GRHL3: variants seen among roughly 807,000 people sequenced by gnomAD.
The protein encoded by GRHL3 is grainyhead like transcription factor 3.
A neutral mutation model predicts 70.3 loss-of-function variants in GRHL3; 20 were observed. That is an observed-to-expected ratio of 0.28 (90% CI 0.20 to 0.41). The LOEUF is 0.41. GRHL3 is among the 10% of genes least tolerant of loss of function. GRHL3 has a pLI of 1.00. For missense variants in GRHL3, 637 were observed against 762.3 expected (o/e 0.84, Z 1.94); for synonymous variants, 299 against 299.9 (o/e 1.00, Z 0.03).
rs1306307505 is a variant in GRHL3, at chr1:24,364,379, AC to A, written c.*10del. 3.3e-6 allele frequency: 5 copies of A among 1,531,532 alleles called. No individual in the cohort carries two copies. In the Admixed American group the frequency reaches 6.1e-5, roughly 19 times the overall value. The allele number at this position is 1,531,532 out of a possible 1,614,324, so 94.9% of individuals were successfully genotyped here. ...ACTGTAAACTCGGAATGACACACCC[AC>A]CTGGAGGAGAGGTGGAAGGACGACG... On this transcript the variant is annotated 3_prime_UTR_variant, in exon 16 of 16. Transcript: ENST00000350501.
intron 1 of GRHL3, chr1:24,323,002 C>T: frequency 7.4e-7 from 1 of 1,358,128 alleles, no homozygotes; most frequent in Non-Finnish European, 1.0e-6. Context: ...CATAGGCCAC[C>T]CCGCTTCCTC....
downstream of GRHL3, among the ~76,000 whole-genome samples, chr1:24,358,967 G>C (rs1311379319): frequency 6.6e-6 from 1 of 152,204 alleles, no homozygotes; most frequent in Non-Finnish European, 1.5e-5. Context: ...ATCTAGTTCA[G>C]GGGTTTCCAT....
Position 24,334,794 on chromosome 1 carries a change from C to T in GRHL3, c.266+88C>T. 4.7e-6 allele frequency: 4 copies of T among 850,348 alleles called. No individual in the cohort carries two copies. The highest frequency in any genetic ancestry group is 7.5e-6 in the Non-Finnish European group (4 of 531,762). 52.7% of individuals were successfully genotyped at this position (850,348 alleles called of 1,614,324 possible). On this transcript the variant is annotated intron_variant, in intron 3 of 15. Coordinates refer to ENST00000361548, the MANE Select transcript of GRHL3 (RefSeq NM_198173.3). This position sits in a 1 kb window ranked among gnomAD's most constrained non-coding sequence, Gnocchi z 4.3. Reference sequence around the variant, plus strand: ...ACACAGGTTTGACTTATCCATTAGGCACAGGAGGCACAGTGCTGAGGGCCC... The same window carrying T: ...ACACAGGTTTGACTTATCCATTAGGTACAGGAGGCACAGTGCTGAGGGCCC...
chr1:24,349,044 G>T (rs751367377), intron 14 of GRHL3, among the ~76,000 whole-genome samples: 2 of 152,226 alleles, frequency 1.3e-5, no homozygotes, highest in African/African-American at 2.4e-5. Flanking sequence ...CACAGTGTGT[G>T]TACATCCTAT....
At chr1:24,356,407 T>A (rs1326193171), downstream of GRHL3, among the ~76,000 whole-genome samples, 1 of 151,718 alleles carries the variant, frequency 6.6e-6, no homozygotes, top group African/African-American at 2.4e-5. Flanking sequence ...GCCCGGCTAA[T>A]TTTTTGTATT....
downstream of GRHL3, among the ~76,000 whole-genome samples, chr1:24,359,157 G>C (rs1041132019): frequency 4.6e-5 from 7 of 152,320 alleles, no homozygotes; most frequent in East Asian, 9.7e-4. The surrounding 1 kb of genome is among the most constrained non-coding windows in gnomAD (Gnocchi z 5.3). Flanking sequence ...TGGTAGTCCA[G>C]GTATACCTGA....
chr1:24,338,120 G>T lies in GRHL3; in HGVS notation c.952+17G>T. 6.5e-7 allele frequency: 1 copy of T among 1,545,126 alleles called. No homozygotes were observed. The highest frequency in any genetic ancestry group is 8.8e-7 in the Non-Finnish European group (1 of 1,130,760). On this transcript the variant is annotated intron_variant, in intron 7 of 15. Transcript: ENST00000361548. Reference sequence around the variant, plus strand: ...TTGACGTGGGTGAGAGCCTTCTCAAGCCTCCATTCCAGCTCCCCTCTCTCT... The same window carrying T: ...TTGACGTGGGTGAGAGCCTTCTCAATCCTCCATTCCAGCTCCCCTCTCTCT...
chr1:24,360,969 AC>A, intron 15 of GRHL3: 1 of 1,613,908 alleles, frequency 6.2e-7, no homozygotes, highest in Non-Finnish European at 8.5e-7. Flanking sequence ...TCTCATACTG[AC>A]CAGGACCTGG....
chr1:24,358,392 G>C (rs1391327053), downstream of GRHL3: 5 of 743,684 alleles, frequency 6.7e-6, no homozygotes, highest in East Asian at 1.3e-4. Context: ...AATGGCAGCA[G>C]TCCGGCTAGG....
rs1279704087 is a variant in GRHL3, at chr1:24,321,104, C to T, written c.17+1536C>T. On this transcript the variant is annotated intron_variant, in intron 1 of 15. Transcript: ENST00000361548. This position sits in a 1 kb window ranked among gnomAD's most constrained non-coding sequence, Gnocchi z 4.0. ...AAAAAATCTTGACATGTGTCTCCAT[C>T]CCACTTAAATTTGCTGGCTAAAACT... Among the ~76,000 whole-genome samples the T allele has an allele frequency of 1.3e-5, 2 of 152,224 alleles. No homozygotes were observed. Among genetic ancestry groups the T allele is most frequent in the Admixed American group, 6.5e-5 (1 of 15,286 alleles).
chr1:24,337,501 C>A, intron 5 of GRHL3, 135 bp from the exon 6 acceptor site: 2 of 901,748 alleles, frequency 2.2e-6, no homozygotes, highest in Non-Finnish European at 3.4e-6. Flanking sequence ...GAAACTGGGG[C>A]CCAAGGAAGT....
intron 15 of GRHL3, among the ~76,000 whole-genome samples, chr1:24,351,521 G>A (rs1224886122): frequency 6.6e-6 from 1 of 151,954 alleles, no homozygotes; most frequent in Non-Finnish European, 1.5e-5. Context: ...TCCACTTCAC[G>A]GCAAAGGGCA....
intron 8 of GRHL3, among the ~76,000 whole-genome samples, chr1:24,341,065 G>A (rs1640017245): frequency 6.6e-6 from 1 of 152,150 alleles, no homozygotes; most frequent in South Asian, 2.1e-4. Context: ...CCCACATCCT[G>A]TTTGCATCAG....
In GRHL3 at chr1:24,354,776, G is replaced by T; in HGVS notation, c.*288G>T. 3.4e-6 allele frequency: 1 copy of T among 297,872 alleles called. No homozygotes were observed. Among genetic ancestry groups the T allele is most frequent in the Non-Finnish European group, 6.4e-6 (1 of 155,484 alleles). The allele number at this position is 297,872 out of a possible 1,614,324, so 18.5% of individuals were successfully genotyped here. On this transcript the variant is annotated 3_prime_UTR_variant, in exon 16 of 16. Coordinates refer to ENST00000361548, the MANE Select transcript of GRHL3 (RefSeq NM_198173.3). The stretch of plus-strand genomic sequence containing the variant: ...ATGGTTACCACCTACCCAGAAGACT[G>T]TTCCCTCCTCCCAAGACCCTTGTCT...
intron 7 of GRHL3, 97 bp from the exon 8 acceptor site, chr1:24,339,571 G>A (rs1340540047): frequency 1.2e-5 from 9 of 759,290 alleles, no homozygotes; most frequent in East Asian, 7.9e-5. Flanking sequence ...GAGAAACCAC[G>A]CCCGGCCGAG....
At chr1:24,354,158 T>C (rs1640624199) in intron 15 of GRHL3, among the ~76,000 whole-genome samples, 1 of 151,012 alleles carries the variant, frequency 6.6e-6, no homozygotes, top group South Asian at 2.1e-4. Flanking sequence ...CAGGCCTGGG[T>C]TGGGTTGTGG....
chr1:24,326,340 C>G (rs1639385223), intron 1 of GRHL3, among the ~76,000 whole-genome samples: 1 of 151,586 alleles, frequency 6.6e-6, no homozygotes, highest in Non-Finnish European at 1.5e-5. Flanking sequence ...TCTCCCTCTT[C>G]CCCTCCACCC....
At chr1:24,339,587 C>A in intron 7 of GRHL3, 81 bp from the exon 8 acceptor site, 1 of 947,220 alleles carries the variant, frequency 1.1e-6, no homozygotes, top group Non-Finnish European at 1.6e-6. Context: ...CCGAGTGAGG[C>A]CCAGTTTTTA....
intron 1 of GRHL3, among the ~76,000 whole-genome samples, chr1:24,325,974 C>G (rs1639373898): frequency 6.6e-6 from 1 of 152,228 alleles, no homozygotes; most frequent in Non-Finnish European, 1.5e-5. Flanking sequence ...GAGGTACAAG[C>G]TCAGTGGCCT....
Sources: allele counts gnomAD v4.1 joint callset (sites outside exome capture counted in the v4.1 genomes callset), GRCh38; gene constraint gnomAD v4.1.1; non-coding constraint Gnocchi (gnomAD v3.1); transcripts MANE v1.5; gene names NCBI Gene and HGNC (gene_info 2026-07-23, HGNC 2026-07-21).